RAB22A: variants seen among roughly 807,000 people sequenced by gnomAD.
The protein encoded by RAB22A is ras-related protein Rab-22A.
Under a neutral mutation model 30.2 loss-of-function variants are expected in RAB22A, and 13 were observed. That is an observed-to-expected ratio of 0.43 (90% CI 0.28 to 0.68). The LOEUF (loss-of-function observed/expected upper bound fraction) is 0.68, where lower values mean the gene tolerates loss of function less well. RAB22A is among the 30% of genes least tolerant of loss of function. RAB22A has a pLI of 0.18. For synonymous variants in RAB22A, 89 were observed against 87.2 expected, an observed-to-expected ratio of 1.02 and a Z score of -0.11; for missense variants, 177 against 246.8, an observed-to-expected ratio of 0.72 and a Z score of 1.89.
rs199934933 is a variant in RAB22A at position 58,354,306 on chromosome 20, C to T, written c.487+41C>T. The T allele has an allele frequency of 1.8e-5, 24 of 1,365,888 alleles. No homozygotes were observed. The East Asian group carries it at 3.1e-4, about 18-fold the overall frequency. The allele number at this position is 1,365,888 out of a possible 1,614,324, so 84.6% of individuals were successfully genotyped here. On this transcript the variant is annotated intron_variant, in intron 6 of 6. Coordinates refer to ENST00000244040, the MANE Select transcript of RAB22A (RefSeq NM_020673.3). ...CCTTATCCATTTCCTCTGTAAAAGC[C>T]GCTTAACACAGAATGATCTTCCTGG...
At chr20:58,338,617 T>G (rs1368568971) in intron 2 of RAB22A, among the ~76,000 whole-genome samples, 1 of 152,208 alleles carries the variant, frequency 6.6e-6, no homozygotes, top group Non-Finnish European at 1.5e-5. Flanking sequence ...ATGGATACAC[T>G]TGAGACTTCC....
At chr20:58,310,149 A>G (rs111722472) in intron 1 of RAB22A, 137 bp downstream of exon 1, 1 of 845,378 alleles carries the variant, frequency 1.2e-6, no homozygotes, top group African/African-American at 2.4e-5. Flanking sequence ...CCCTCCCTCC[A>G]GCTCGGGAGC....
intron 3 of RAB22A, among the ~76,000 whole-genome samples, chr20:58,351,547 C>T (rs1294236016): frequency 6.6e-6 from 1 of 152,182 alleles, no homozygotes; most frequent in Non-Finnish European, 1.5e-5. Flanking sequence ...GGCATGGTGG[C>T]TCACGCCTGT....
In RAB22A at chr20:58,364,654, AT is replaced by A. The variant is rs1182165815; in HGVS notation, c.*4953del. ...AATGCATCATAATTGAAACAACAAA[AT>A]TATTTTCATGAGCAAGAATTCAAGT... On this transcript the variant is annotated 3_prime_UTR_variant, in exon 7 of 7. Coordinates refer to ENST00000244040, the MANE Select transcript of RAB22A (RefSeq NM_020673.3). 2.0e-5 allele frequency: 3 copies of A among 152,140 alleles called. No individual in the cohort carries two copies. Among genetic ancestry groups the A allele is most frequent in the Non-Finnish European group, 4.4e-5 (3 of 68,026 alleles). 9.4% of individuals were successfully genotyped at this position (152,140 alleles called of 1,614,324 possible).
intron 5 of RAB22A, 66 bp from the exon 6 acceptor site, chr20:58,354,090 G>A: frequency 8.9e-7 from 1 of 1,123,774 alleles, no homozygotes; most frequent in African/African-American, 1.5e-5. Flanking sequence ...TTAACTACTG[G>A]GTAGGTGGGG....
At chr20:58,332,838 T>A (rs1407630543) in intron 2 of RAB22A, among the ~76,000 whole-genome samples, 1 of 151,770 alleles carries the variant, frequency 6.6e-6, no homozygotes, top group Non-Finnish European at 1.5e-5. Flanking sequence ...TAACCGGAAA[T>A]AAAGAGCAGA....
chr20:58,350,113 G>A (rs1273165815), intron 3 of RAB22A, among the ~76,000 whole-genome samples: 6 of 151,170 alleles, frequency 4.0e-5, no homozygotes, highest in Non-Finnish European at 7.4e-5. Context: ...AAAAAAAAAA[G>A]GAGTGTTAAT....
chr20:58,313,718 A>C (rs141857879), intron 2 of RAB22A, among the ~76,000 whole-genome samples: 1 of 152,298 alleles, frequency 6.6e-6, no homozygotes, highest in African/African-American at 2.4e-5. Context: ...AGTGCCTGCT[A>C]TATGCCAGGT....
chr20:58,343,729 T>C lies in RAB22A; in HGVS notation c.128T>C (p.Met43Thr), dbSNP rs770066195. 12 of 1,609,190 alleles carry C rather than the reference T, an allele frequency of 7.5e-6. No individual in the cohort carries two copies. The East Asian group carries it at 2.7e-4, about 36-fold the overall frequency. ...NINPTIGASF[M>T]TKTVQYQNEL... is the part of the protein sequence containing the mutation. ...GTCTCTCTTTATAGGGCATCTTTTA[T>C]GACCAAGACTGTCCAGTACCAAAAT... The change falls in exon 3 of 7, where the codon ATG becomes ACG. Residue 43 changes from methionine (M) to threonine (T), a missense_variant. Transcript: ENST00000244040.
At chr20:58,322,821 C>G (rs1288561053) in intron 2 of RAB22A, among the ~76,000 whole-genome samples, 1 of 111,358 alleles carries the variant, frequency 9.0e-6, no homozygotes, top group Non-Finnish European at 1.8e-5. Context: ...TTCAAAGAGA[C>G]CATTAGTCTT....
chr20:58,323,806 AT>A lies in RAB22A; in HGVS notation c.116+12694del, dbSNP rs927027377. ...TTTATTTTGTTTGCTGGGATCTTTG[AT>A]TTTTTTTTTAACATAATGTTGACTT... On this transcript the variant is annotated intron_variant, in intron 2 of 6. Transcript: ENST00000244040. Among the ~76,000 whole-genome samples, 38 of 147,846 alleles carry A rather than the reference AT, an allele frequency of 2.6e-4. No homozygotes were observed. The Middle Eastern group carries it at 0.011, about 41-fold the overall frequency.
At chr20:58,318,498 A>G (rs1412217663) in intron 2 of RAB22A, among the ~76,000 whole-genome samples, 2 of 152,214 alleles carry the variant, frequency 1.3e-5, no homozygotes, top group African/African-American at 2.4e-5. Flanking sequence ...GAAATGCTGA[A>G]CTGATATAAT....
rs1180853887 is a variant in RAB22A at position 58,325,166 on chromosome 20, A to G, written c.116+14044A>G. 6.1e-5 allele frequency among the ~76,000 whole-genome samples: 8 copies of G among 130,678 alleles called. No homozygotes were observed. The East Asian group carries it at 1.3e-3, about 22-fold the overall frequency. The allele number at this position is 130,678 out of a possible 152,430, so 85.7% of individuals were successfully genotyped here. A position where few individuals can be genotyped will look rare whatever the true frequency, so the allele number is the denominator to read the frequency against. ...CACTCCAGCCTGGTGACAGAGCGAGACTCCATCTCAAAAAAAAAAAAAAAA... is the reference window on the plus strand; with the variant it reads ...CACTCCAGCCTGGTGACAGAGCGAGGCTCCATCTCAAAAAAAAAAAAAAAA... On this transcript the variant is annotated intron_variant, in intron 2 of 6. Coordinates refer to ENST00000244040, the MANE Select transcript of RAB22A (RefSeq NM_020673.3).
At chr20:58,346,560 C>T (rs967818068) in intron 3 of RAB22A, among the ~76,000 whole-genome samples, 1 of 152,200 alleles carries the variant, frequency 6.6e-6, no homozygotes, top group Non-Finnish European at 1.5e-5. Context: ...TTTCTCTAAA[C>T]CCCCTGCATC....
intron 6 of RAB22A, among the ~76,000 whole-genome samples, chr20:58,355,617 T>G (rs566356562): frequency 6.6e-6 from 1 of 151,878 alleles, no homozygotes; most frequent in South Asian, 2.1e-4. Context: ...GTCAGGAGTT[T>G]AAGACCACCT....
At chr20:58,343,522 G>A (rs1463049203) in intron 2 of RAB22A, among the ~76,000 whole-genome samples, 196 bp from the exon 3 acceptor site, 1 of 151,992 alleles carries the variant, frequency 6.6e-6, no homozygotes, top group Non-Finnish European at 1.5e-5. Context: ...GGGCAGATGT[G>A]CCTAATGCTT....
intron 2 of RAB22A, among the ~76,000 whole-genome samples, chr20:58,314,277 C>T (rs1168047422): frequency 6.6e-6 from 1 of 152,058 alleles, no homozygotes; most frequent in African/African-American, 2.4e-5. Context: ...GTTGGCCAGG[C>T]TGTTCTCAAA....
intron 2 of RAB22A, among the ~76,000 whole-genome samples, chr20:58,335,519 A>T (rs1172227240): frequency 1.3e-5 from 2 of 152,220 alleles, no homozygotes; most frequent in Non-Finnish European, 2.9e-5. Flanking sequence ...AAAGGTATGT[A>T]GTATGTATTG....
At chr20:58,337,648 T>C (rs751823429) in intron 2 of RAB22A, among the ~76,000 whole-genome samples, 1 of 152,214 alleles carries the variant, frequency 6.6e-6, no homozygotes, top group Non-Finnish European at 1.5e-5. Flanking sequence ...GCCTGCCTGG[T>C]GTTCCTGCCA....
Sources: gnomAD v4.1 joint callset for allele counts (sites outside exome capture counted in the v4.1 genomes callset) on GRCh38, gnomAD v4.1.1 for gene constraint, MANE v1.5 for transcripts, NCBI Gene and HGNC (gene_info 2026-07-23, HGNC 2026-07-21) for gene names.